DPP6: variants seen among roughly 807,000 people sequenced by gnomAD.
The protein encoded by DPP6 is dipeptidyl peptidase like 6.
Under a neutral mutation model 122.6 loss-of-function variants are expected in DPP6, and 69 were observed. The ratio of observed to expected loss-of-function variants is 0.56; its 90% CI spans 0.46 to 0.69. The LOEUF (loss-of-function observed/expected upper bound fraction) is 0.69. DPP6 is among the 30% of genes least tolerant of loss of function. DPP6 has a pLI of 0.00. For missense variants in DPP6, 928 were observed against 1,116.9 expected (o/e 0.83, Z 2.41); for synonymous variants, 418 against 433.1 (o/e 0.97, Z 0.43).
At chr7:154,010,470 A>G (rs1193410972) in intron 1 of DPP6, among the ~76,000 whole-genome samples, 2 of 152,222 alleles carry the variant, frequency 1.3e-5, no homozygotes, top group African/African-American at 4.8e-5. Flanking sequence ...TTTATTTATC[A>G]TAATCTCTAC....
At chr7:154,274,426 A>G (rs571834898) in intron 1 of DPP6, among the ~76,000 whole-genome samples, 1 of 152,314 alleles carries the variant, frequency 6.6e-6, no homozygotes, top group African/African-American at 2.4e-5. Flanking sequence ...GTTGATCTAC[A>G]TAAAGTCAGC....
At chr7:154,704,750 A>C (rs557729508) in intron 7 of DPP6, among the ~76,000 whole-genome samples, 2 of 152,254 alleles carry the variant, frequency 1.3e-5, no homozygotes, top group Non-Finnish European at 2.9e-5. Context: ...TTGCACAGTT[A>C]CTAATCTACA....
At chr7:153,995,094 G>GT (rs1355388818) in intron 1 of DPP6, among the ~76,000 whole-genome samples, 1 of 152,196 alleles carries the variant, frequency 6.6e-6, no homozygotes, top group Non-Finnish European at 1.5e-5. Context: ...AGAATGACTG[G>GT]TGACATGGAG....
rs781660230 is a variant in DPP6, at chr7:153,966,606, T to C, written c.51+78872T>C. Among the ~76,000 whole-genome samples the C allele has an allele frequency of 6.6e-3, 553 of 84,044 alleles. 23 individuals carry two copies. The highest frequency in any genetic ancestry group is 0.011 in the Middle Eastern group (2 of 178). The allele number at this position is 84,044 out of a possible 152,430, so 55.1% of individuals were successfully genotyped here. A position where few individuals can be genotyped will look rare whatever the true frequency, so the allele number is the denominator to read the frequency against. On this transcript the variant is annotated intron_variant, in intron 1 of 25. Transcript: ENST00000404039. ...TTTTTTTACTGCATATAGCCCTTTTTTTTTAAAAAATTATACTTTAATTTT... is the reference window on the plus strand; with the variant it reads ...TTTTTTTACTGCATATAGCCCTTTTCTTTTAAAAAATTATACTTTAATTTT...
chr7:154,767,163 C>T (rs187156687), intron 8 of DPP6, among the ~76,000 whole-genome samples: 6 of 152,092 alleles, frequency 3.9e-5, no homozygotes, highest in African/African-American at 1.4e-4. Context: ...TTTCCCGAGT[C>T]GGCTGTGAAT....
chr7:154,362,275 A>G (rs997856223), intron 1 of DPP6, among the ~76,000 whole-genome samples: 1 of 152,254 alleles, frequency 6.6e-6, no homozygotes, highest in African/African-American at 2.4e-5. Context: ...GAAGCCAGAC[A>G]GCCTTCTCTC....
rs191387721 is a variant in DPP6, at chr7:154,503,562, C to T, written c.457+28525C>T. Among the ~76,000 whole-genome samples, 148 of 152,240 alleles carry T rather than the reference C, an allele frequency of 9.7e-4. 1 individual carries two copies. The highest frequency in any genetic ancestry group is 3.4e-3 in the African/African-American group (141 of 41,534). On this transcript the variant is annotated intron_variant, in intron 3 of 25. Coordinates refer to ENST00000377770, the MANE Select transcript of DPP6 (RefSeq NM_130797.4). ...AATACAACTTTTGCTTTAGAATCTGCGATTATTGTTTGACTTTAGCTAAGT... is the reference window on the plus strand; with the variant it reads ...AATACAACTTTTGCTTTAGAATCTGTGATTATTGTTTGACTTTAGCTAAGT...
intron 6 of DPP6, among the ~76,000 whole-genome samples, chr7:154,654,054 C>T (rs1389940675): frequency 6.6e-6 from 1 of 151,992 alleles, no homozygotes; most frequent in African/African-American, 2.4e-5. Flanking sequence ...CTAAATGATA[C>T]AGTATCACAG....
chr7:153,782,615 C>G, the DPP6 span, among the ~76,000 whole-genome samples: 2 of 152,218 alleles, frequency 1.3e-5, no homozygotes, highest in Admixed American at 6.5e-5. Context: ...TTTTTCAGTG[C>G]TGGCTTTTCA....
chr7:153,943,180 G>A (rs560027827), intron 1 of DPP6, among the ~76,000 whole-genome samples: 3 of 152,240 alleles, frequency 2.0e-5, no homozygotes, highest in East Asian at 1.9e-4. Context: ...ATTAGAGCAC[G>A]AAATACAAAA....
At chr7:154,059,164 C>G (rs991456189) in intron 1 of DPP6, 7 of 148,438 alleles carry the variant, frequency 4.7e-5, no homozygotes, top group African/African-American at 7.7e-5. Flanking sequence ...TCTTCCGCCC[C>G]TGGCTGTTAA....
chr7:154,831,066 G>A (rs1800591833), intron 16 of DPP6, among the ~76,000 whole-genome samples: 1 of 152,158 alleles, frequency 6.6e-6, no homozygotes, highest in Non-Finnish European at 1.5e-5. Flanking sequence ...GTGAGTGGGT[G>A]CCCTCCTTCA....
the DPP6 span, among the ~76,000 whole-genome samples, chr7:153,823,364 C>T: frequency 6.7e-6 from 1 of 149,570 alleles, no homozygotes; most frequent in South Asian, 2.2e-4. Flanking sequence ...CTCTCACCTT[C>T]CACAGGGGGC....
intron 1 of DPP6, among the ~76,000 whole-genome samples, chr7:154,418,931 C>T (rs748982258): frequency 7.9e-5 from 12 of 152,186 alleles, no homozygotes; most frequent in Non-Finnish European, 1.6e-4. Flanking sequence ...CATTCCAGAC[C>T]CTCCAGGGCT....
At chr7:154,011,520 T>C (rs1370407303) in intron 1 of DPP6, among the ~76,000 whole-genome samples, 1 of 152,136 alleles carries the variant, frequency 6.6e-6, no homozygotes, top group Non-Finnish European at 1.5e-5. Context: ...GAAATAAATC[T>C]CAGTTCATAA....
At chr7:154,823,070 A>G (rs1349211332) in intron 16 of DPP6, among the ~76,000 whole-genome samples, 1 of 152,224 alleles carries the variant, frequency 6.6e-6, no homozygotes, top group East Asian at 1.9e-4. Flanking sequence ...CTTCCTGGAA[A>G]ATAAGTTAAT....
the DPP6 span, among the ~76,000 whole-genome samples, chr7:153,819,067 C>CT: frequency 2.3e-4 from 16 of 68,574 alleles, no homozygotes; most frequent in East Asian, 4.6e-4. Context: ...TTTTTTTCCC[C>CT]TTTTCTTTTC....
At chr7:154,029,585 G>T (rs1220973133) in intron 1 of DPP6, among the ~76,000 whole-genome samples, 1 of 145,776 alleles carries the variant, frequency 6.9e-6, no homozygotes. Flanking sequence ...GGTGGCTCAC[G>T]CCTGTAATCC....
chr7:154,290,262 A>G (rs1805118716), intron 1 of DPP6, among the ~76,000 whole-genome samples: 1 of 152,150 alleles, frequency 6.6e-6, no homozygotes, highest in Non-Finnish European at 1.5e-5. Flanking sequence ...TTGATACATC[A>G]TTTTAATTTT....
Sources: gnomAD v4.1 joint callset for allele counts (sites outside exome capture counted in the v4.1 genomes callset) on GRCh38, gnomAD v4.1.1 for gene constraint, MANE v1.5 for transcripts, NCBI Gene and HGNC (gene_info 2026-07-23, HGNC 2026-07-21) for gene names.